CFAP47: variants seen among roughly 807,000 people sequenced by gnomAD.
CFAP47 encodes cilia- and flagella-associated protein 47.
Under a neutral mutation model 148.1 loss-of-function variants are expected in CFAP47, and 29 were observed. The ratio of observed to expected loss-of-function variants is 0.20; its 90% CI spans 0.15 to 0.27. The LOEUF (loss-of-function observed/expected upper bound fraction) is 0.27, where lower values mean the gene tolerates loss of function less well. CFAP47 is among the 10% of genes least tolerant of loss of function. The pLI, the probability that CFAP47 is intolerant of heterozygous loss-of-function variation, is 1.00. For synonymous variants in CFAP47, 664 were observed against 577.3 expected (o/e 1.15, Z -2.15); for missense variants, 1,872 against 1,697.5 (o/e 1.10, Z -1.81).
chrX:36,204,789 G>A (rs1555988625), intron 44 of CFAP47, among the ~76,000 whole-genome samples, 168 bp from the exon 45 acceptor site: 1 of 111,545 alleles, frequency 9.0e-6, no homozygotes, highest in Non-Finnish European at 1.9e-5. Context: ...TTTCTGAAAT[G>A]TGTTTGTACT....
chrX:35,937,385 G>A (rs4304483), intron 2 of CFAP47, among the ~76,000 whole-genome samples: 18,479 of 108,820 alleles, frequency 0.17, 1,208 homozygotes, highest in South Asian at 0.25. Flanking sequence ...CTGGGTCTGC[G>A]TGGCCTTTCT....
At chrX:36,023,396 G>A (rs1036897099) in intron 22 of CFAP47, among the ~76,000 whole-genome samples, 1 of 111,703 alleles carries the variant, frequency 9.0e-6, no homozygotes, top group East Asian at 2.8e-4. Context: ...CTAGGACTAT[G>A]CTGTGTCAGA....
chrX:36,138,272 C>T, intron 34 of CFAP47, 76 bp from the exon 35 acceptor site: 1 of 934,470 alleles, frequency 1.1e-6, no homozygotes, highest in South Asian at 3.5e-5. Flanking sequence ...TGATTCTTTG[C>T]CTAACTATAG....
intron 30 of CFAP47, among the ~76,000 whole-genome samples, chrX:36,088,781 C>T (rs1294248129): frequency 1.8e-5 from 2 of 111,055 alleles, no homozygotes; most frequent in Non-Finnish European, 3.8e-5. Flanking sequence ...TAGTTATTAT[C>T]ATTTTATGAT....
At chrX:36,020,748 G>A (rs1039879251) in intron 22 of CFAP47, among the ~76,000 whole-genome samples, 1 of 111,748 alleles carries the variant, frequency 8.9e-6, no homozygotes, top group African/African-American at 3.3e-5. Context: ...GATGAATTGT[G>A]TTGCTTATAG....
intron 8 of CFAP47, among the ~76,000 whole-genome samples, chrX:35,964,941 T>C (rs1373224057): frequency 9.0e-6 from 1 of 111,575 alleles, no homozygotes; most frequent in African/African-American, 3.2e-5. Flanking sequence ...ACTATGTTTG[T>C]CTAATAAGTT....
chrX:36,062,975 G>C (rs190704776), intron 26 of CFAP47, among the ~76,000 whole-genome samples: 87 of 111,875 alleles, frequency 7.8e-4, no homozygotes, highest in African/African-American at 2.6e-3. Context: ...AGGAAACACG[G>C]CCAAAAATAG....
At chrX:36,201,789 A>C (rs938440797) in intron 44 of CFAP47, among the ~76,000 whole-genome samples, 19 of 110,848 alleles carry the variant, frequency 1.7e-4, no homozygotes, top group African/African-American at 5.9e-4. Context: ...GGAGAACTTA[A>C]AATAATGCCC....
intron 1 of CFAP47, among the ~76,000 whole-genome samples, chrX:35,924,511 A>C (rs149468922): frequency 0.015 from 1,523 of 100,828 alleles, 34 homozygotes; most frequent in African/African-American, 0.055. Context: ...ATAGGTGCAC[A>C]TATATGTGTA....
intron 35 of CFAP47, among the ~76,000 whole-genome samples, chrX:36,141,164 A>G (rs1198398044): frequency 9.1e-6 from 1 of 109,344 alleles, no homozygotes; most frequent in Non-Finnish European, 1.9e-5. Flanking sequence ...ACATGAACAC[A>G]GAGTCAGAGC....
intron 39 of CFAP47, among the ~76,000 whole-genome samples, chrX:36,175,179 G>C (rs908225629): frequency 1.0e-4 from 11 of 110,408 alleles, no homozygotes; most frequent in Admixed American, 4.8e-4. Flanking sequence ...TCTCTGTATT[G>C]GTTATTCTAG....
intron 55 of CFAP47, 65 bp downstream of exon 55, chrX:36,306,941 A>G (rs1690707842): frequency 2.2e-6 from 1 of 447,912 alleles, no homozygotes; most frequent in Admixed American, 5.1e-5. Context: ...ATAAATAAAT[A>G]TAATTCATCA....
chrX:36,090,463 C>T (rs1464290355), intron 30 of CFAP47, among the ~76,000 whole-genome samples: 2 of 111,626 alleles, frequency 1.8e-5, no homozygotes, highest in African/African-American at 3.3e-5. Flanking sequence ...TTCTTTTTGG[C>T]ACAGCTCCCA....
At chrX:36,065,499 G>A (rs1937629398) in intron 26 of CFAP47, 144 bp from the exon 27 acceptor site, 10 of 424,137 alleles carry the variant, frequency 2.4e-5, no homozygotes, top group Admixed American at 1.3e-4. Context: ...ACATTGAGTA[G>A]ATGGTTAAAA....
chrX:36,193,477 T>G (rs184586425), intron 42 of CFAP47, among the ~76,000 whole-genome samples: 6 of 111,691 alleles, frequency 5.4e-5, no homozygotes, highest in Non-Finnish European at 9.4e-5. Context: ...CTTTGATTTT[T>G]TTATTCAATT....
chrX:36,299,854 T>A (rs908381309), intron 52 of CFAP47, among the ~76,000 whole-genome samples: 5 of 112,424 alleles, frequency 4.4e-5, no homozygotes, highest in Non-Finnish European at 9.4e-5. Flanking sequence ...CCAGTAATTG[T>A]TATTTTAATG....
intron 1 of CFAP47, among the ~76,000 whole-genome samples, chrX:35,924,214 T>C (rs982641982): frequency 4.8e-5 from 5 of 104,453 alleles, no homozygotes; most frequent in Non-Finnish European, 9.7e-5. Context: ...CATGTATGTG[T>C]GCATGTATGT....
At chrX:36,202,418 A>C (rs1939991168) in intron 44 of CFAP47, among the ~76,000 whole-genome samples, 1 of 109,584 alleles carries the variant, frequency 9.1e-6, no homozygotes. Context: ...CCCTCATCTC[A>C]CCTTTTCTAC....
chrX:36,217,161 A>G (rs1283250540), intron 45 of CFAP47, among the ~76,000 whole-genome samples: 1 of 112,017 alleles, frequency 8.9e-6, no homozygotes, highest in African/African-American at 3.2e-5. Flanking sequence ...TTATTTTCTC[A>G]GTATTAATTT....
Sources: gnomAD v4.1 joint callset for allele counts (sites outside exome capture counted in the v4.1 genomes callset) on GRCh38, gnomAD v4.1.1 for gene constraint, MANE v1.5 for transcripts, NCBI Gene and HGNC (gene_info 2026-07-23, HGNC 2026-07-21) for gene names.